MARF1: variants seen among roughly 807,000 people sequenced by gnomAD.
MARF1 encodes limkain-b1.
In MARF1, 24 loss-of-function variants were observed where a neutral mutation model predicts 168.2. The observed-to-expected ratio is 0.14, with a 90% CI of 0.10 to 0.20. MARF1 has a LOEUF of 0.20. Among genes scored for constraint, MARF1 ranks in the 10% least tolerant of loss-of-function variants. The pLI is 1.00. For missense variants in MARF1, 1,744 were observed against 2,143.6 expected (o/e 0.81, Z 3.68); for synonymous variants, 868 against 822.4 (o/e 1.06, Z -0.95).
intron 26 of MARF1, 83 bp from the exon 27 acceptor site, chr16:15,597,020 A>C: frequency 3.4e-5 from 48 of 1,423,580 alleles, no homozygotes; most frequent in Non-Finnish European, 4.3e-5. Flanking sequence ...ATATTTTCTC[A>C]AAAGATAATA....
intron 12 of MARF1, among the ~76,000 whole-genome samples, chr16:15,621,290 G>A (rs2034442944): frequency 6.6e-6 from 1 of 152,202 alleles, no homozygotes; most frequent in South Asian, 2.1e-4. Context: ...TTGAGACTGA[G>A]ATAGTCTTAA....
Position 15,611,103 on chromosome 16 carries a change from A to T in MARF1, c.3623T>A (p.Phe1208Tyr). The T allele has an allele frequency of 6.2e-7, 1 of 1,613,850 alleles. No homozygotes were observed. The highest frequency in any genetic ancestry group is 1.7e-5 in the Admixed American group (1 of 59,986). Reference sequence around the variant, plus strand: ...TTCAGTGACATCCCAGTCCTTTGAGAAACACCTAGGTTTTAACAACGGAAG... The same window carrying T: ...TTCAGTGACATCCCAGTCCTTTGAGTAACACCTAGGTTTTAACAACGGAAG... ...REFSQAYHWC[F>Y]SKDWDVTEYG... The change falls in exon 19 of 27, where the codon TTC (phenylalanine) becomes TAC (tyrosine). Residue 1208 changes from phenylalanine to tyrosine, a missense_variant. Around this residue, in one of 7 missense-constraint regions of MARF1, gnomAD observed 543 missense variants for 742.1 expected, o/e 0.73. Transcript: ENST00000396368.
intron 11 of MARF1, among the ~76,000 whole-genome samples, chr16:15,622,113 T>C (rs1245060131): frequency 6.6e-6 from 1 of 152,126 alleles, no homozygotes; most frequent in East Asian, 1.9e-4. Context: ...TGGCCCGGCC[T>C]GCCTGTGTGC....
intron 12 of MARF1, chr16:15,621,478 G>C: frequency 2.2e-6 from 1 of 463,916 alleles, no homozygotes; most frequent in Non-Finnish European, 3.8e-6. Context: ...ACTATTTTTA[G>C]AACCTATTTG....
chr16:15,630,592 G>A (rs925289139), intron 6 of MARF1, 88 bp from the exon 7 acceptor site: 4 of 1,217,876 alleles, frequency 3.3e-6, no homozygotes, highest in Non-Finnish European at 4.5e-6. Context: ...CCACTGAGAA[G>A]AAAGGAAAGG....
chr16:15,642,412 C>T (rs1002734983), intron 1 of MARF1: 19 of 152,180 alleles, frequency 1.2e-4, no homozygotes, highest in African/African-American at 4.3e-4. Context: ...AATAGGAAAA[C>T]AGTTTAGGTT....
chr16:15,640,751 T>C (rs1226797928), intron 1 of MARF1, among the ~76,000 whole-genome samples: 1 of 152,136 alleles, frequency 6.6e-6, no homozygotes, highest in Non-Finnish European at 1.5e-5. Context: ...ATAAATAAAG[T>C]TTAATTGGGA....
At position 15,623,039 on chromosome 16, in the gene MARF1, G is replaced by A. The variant is rs776059555; in HGVS notation, c.2355C>T (p.Asp785=). The change falls in exon 11 of 27, where the codon GAC becomes GAT. Residue 785 remains aspartate (D), a synonymous_variant. Coordinates refer to ENST00000396368, the MANE Select transcript of MARF1 (RefSeq NM_014647.4). ...GGACATCAGCACCATTTGCAAATGG[G>A]TCTGGGCAGTCGGCTTCGCTGCTCG... The part of the protein sequence containing the change: ...ANSSSEADCP[D]PFANGADVQV... The A allele has an allele frequency of 1.9e-6, 3 of 1,611,628 alleles. No individual in the cohort carries two copies. Among genetic ancestry groups the A allele is most frequent in the East Asian group, 4.5e-5 (2 of 44,800 alleles).
chr16:15,617,581 G>T, intron 13 of MARF1, 46 bp from the exon 14 acceptor site: 2 of 1,301,934 alleles, frequency 1.5e-6, no homozygotes, highest in Non-Finnish European at 2.2e-6. Flanking sequence ...GTTTTTCTTT[G>T]ATTATACAGA....
At chr16:15,634,650 T>C (rs2035467650) in intron 4 of MARF1, 107 bp downstream of exon 4, 6 of 1,069,084 alleles carry the variant, frequency 5.6e-6, no homozygotes, top group Non-Finnish European at 5.4e-6. Flanking sequence ...ACATACACAG[T>C]AGCTTTAGAA....
intron 25 of MARF1, 21 bp from the exon 26 acceptor site, chr16:15,599,045 G>C: frequency 6.2e-7 from 1 of 1,602,908 alleles, no homozygotes. Context: ...AAGGAGGGCC[G>C]TGACACCACA....
intron 22 of MARF1, among the ~76,000 whole-genome samples, chr16:15,603,145 C>T (rs1435783016): frequency 1.3e-5 from 2 of 152,094 alleles, no homozygotes; most frequent in Admixed American, 6.5e-5. Context: ...GGATGTATAT[C>T]CTTTCATTAT....
chr16:15,614,630 GA>G (rs1331620098), intron 16 of MARF1, among the ~76,000 whole-genome samples: 97 of 105,096 alleles, frequency 9.2e-4, no homozygotes, highest in Admixed American at 1.2e-3. Context: ...TAAAAATACA[GA>G]AAAAAAAAAA....
rs548428460 is a variant in MARF1 at position 15,596,485 on chromosome 16, AAAAG to A, written c.*204_*207del. Reference sequence around the variant, plus strand: ...GCCACAAGTTCTTCAAATAATTGAAAAAAGAAAGAAAAAGGAAGAAGAAAAGAAA... The same window carrying A: ...GCCACAAGTTCTTCAAATAATTGAAAAAAGAAAAAGGAAGAAGAAAAGAAA... On this transcript the variant is annotated 3_prime_UTR_variant, in exon 27 of 27. Coordinates refer to ENST00000396368, the MANE Select transcript of MARF1 (RefSeq NM_014647.4). 2.5e-3 allele frequency: 1,040 copies of A among 421,610 alleles called. 1 individual carries two copies. The highest frequency in any genetic ancestry group is 2.7e-3 in the Non-Finnish European group (662 of 245,526). The allele number at this position is 421,610 out of a possible 1,614,324, so 26.1% of individuals were successfully genotyped here. A position where few individuals can be genotyped will look rare whatever the true frequency, so the allele number is the denominator to read the frequency against.
In MARF1 at chr16:15,596,633, A is replaced by G; in HGVS notation, c.*60T>C. On this transcript the variant is annotated 3_prime_UTR_variant, in exon 27 of 27. Coordinates refer to ENST00000396368, the MANE Select transcript of MARF1 (RefSeq NM_014647.4). ...AGAAAAGGATGTATTTTTGAAACCC[A>G]CTTTTGTGTGCAGAATCAGACAGTG... 6.8e-7 allele frequency: 1 copy of G among 1,471,498 alleles called. No individual in the cohort carries two copies. The highest frequency in any genetic ancestry group is 9.1e-7 in the Non-Finnish European group (1 of 1,104,712). The allele number at this position is 1,471,498 out of a possible 1,614,324, so 91.2% of individuals were successfully genotyped here.
At position 15,630,318 on chromosome 16, in the gene MARF1, G is replaced by A. The variant is rs754993032; in HGVS notation, c.1524+14C>T. On this transcript the variant is annotated intron_variant, in intron 7 of 26. Transcript: ENST00000396368. ...AATATTGGAAAATGGCAAAAATAAC[G>A]CAAACCCACTTACTGGCATTTTTAG... The A allele has an allele frequency of 2.6e-5, 42 of 1,585,172 alleles. No individual in the cohort carries two copies. The highest frequency in any genetic ancestry group is 6.8e-5 in the African/African-American group (5 of 73,968).
At chr16:15,600,578 G>A (rs2032320084) in intron 24 of MARF1, 25 bp from the exon 25 acceptor site, 1 of 1,614,082 alleles carries the variant, frequency 6.2e-7, no homozygotes, top group Non-Finnish European at 8.5e-7. Context: ...GCACCCGTCA[G>A]AGAGAAATGT....
At chr16:15,619,484 G>T (rs947818806) in intron 13 of MARF1, among the ~76,000 whole-genome samples, 1 of 152,126 alleles carries the variant, frequency 6.6e-6, no homozygotes, top group Non-Finnish European at 1.5e-5. Context: ...TCTTCCTGCA[G>T]CATGATTCCC....
rs2034478824 is a variant in MARF1 at position 15,621,798 on chromosome 16, A to C, written c.2574T>G (p.Ile858Met). Reference sequence around the variant, plus strand: ...GTGAGACCAGGATCTTTTTGCTGCCAATTTTGTATCTGTGGAGGCTATTCA... The same window carrying C: ...GTGAGACCAGGATCTTTTTGCTGCCCATTTTGTATCTGTGGAGGCTATTCA... ...GAVNSLHRYK[I>M]GSKKILVSLA... Residue 858 changes from isoleucine to methionine, a missense_variant, in exon 12 of 27, where the codon ATT (isoleucine) becomes ATG (methionine). Transcript: ENST00000396368. The C allele has an allele frequency of 1.2e-6, 2 of 1,614,074 alleles. No individual in the cohort carries two copies. Among genetic ancestry groups the C allele is most frequent in the East Asian group, 4.5e-5 (2 of 44,876 alleles).
Sources: gnomAD v4.1 joint callset for allele counts (sites outside exome capture counted in the v4.1 genomes callset) on GRCh38, gnomAD v4.1.1 for gene constraint, gnomAD v4.1.1 regional missense constraint, MANE v1.5 for transcripts, NCBI Gene and HGNC (gene_info 2026-07-23, HGNC 2026-07-21) for gene names.